ARGFX: variants seen among roughly 807,000 people sequenced by gnomAD.
ARGFX encodes the protein arginine-fifty homeobox.
In ARGFX, 10 loss-of-function variants were observed where a neutral mutation model predicts 8.0. The ratio of observed to expected loss-of-function variants is 1.25; its 90% CI spans 0.77 to 2.12. The LOEUF (loss-of-function observed/expected upper bound fraction) is 2.12. ARGFX is among the 30% of genes most tolerant of loss of function. ARGFX has a pLI of 0.00. For missense variants in ARGFX, 282 were observed against 324.3 expected (o/e 0.87, Z 1.00); for synonymous variants, 116 against 117.8 (o/e 0.98, Z 0.10).
In ARGFX at chr3:121,586,775, C is replaced by T. The variant is rs1411572226; in HGVS notation, c.*175C>T. On this transcript the variant is annotated 3_prime_UTR_variant, in exon 5 of 5. Transcript: ENST00000334384. ...AGAGCTGGGCACTACGTAATCAGCC[C>T]CACAAGTCTCCCTGAGAAGCCTGCC... 3 of 613,590 alleles carry T rather than the reference C, an allele frequency of 4.9e-6. No individual in the cohort carries two copies. Among genetic ancestry groups the T allele is most frequent in the Admixed American group, 6.2e-5 (2 of 32,424 alleles). The allele number at this position is 613,590 out of a possible 1,614,324, so 38.0% of individuals were successfully genotyped here.
intron 3 of ARGFX, among the ~76,000 whole-genome samples, chr3:121,583,212 T>C (rs1560122080): frequency 6.6e-6 from 1 of 151,380 alleles, no homozygotes; most frequent in South Asian, 2.1e-4. Flanking sequence ...GTAGTTTTAG[T>C]GGAGACAGGG....
At chr3:121,585,724 C>T (rs4676729) in intron 4 of ARGFX, among the ~76,000 whole-genome samples, 25,345 of 152,048 alleles carry the variant, frequency 0.17, 2,684 homozygotes, top group Middle Eastern at 0.28. Context: ...CTTCACCTCT[C>T]CCTAGATCCT....
chr3:121,584,282 C>T (rs1233506733), intron 3 of ARGFX, among the ~76,000 whole-genome samples: 1 of 142,734 alleles, frequency 7.0e-6, no homozygotes, highest in African/African-American at 2.6e-5. Flanking sequence ...AAAAGAAGAG[C>T]AAAGCAAAGC....
chr3:121,575,962 C>G (rs1168877605), intron 2 of ARGFX, among the ~76,000 whole-genome samples: 2 of 151,306 alleles, frequency 1.3e-5, no homozygotes. Context: ...AAATGTAGGA[C>G]AAAGAGAAAA....
intron 3 of ARGFX, among the ~76,000 whole-genome samples, chr3:121,584,169 C>A (rs576375933): frequency 2.6e-4 from 36 of 140,308 alleles, no homozygotes; most frequent in Non-Finnish European, 4.2e-4. Context: ...TAGAGCAAGA[C>A]CCCGTCTCTA....
intron 3 of ARGFX, among the ~76,000 whole-genome samples, chr3:121,577,981 T>A (rs946165449): frequency 6.6e-6 from 1 of 151,818 alleles, no homozygotes; most frequent in African/African-American, 2.4e-5. Flanking sequence ...AGACAGGGTT[T>A]CACCATGTTG....
intron 2 of ARGFX, among the ~76,000 whole-genome samples, chr3:121,572,787 A>G (rs781618798): frequency 6.6e-6 from 1 of 152,202 alleles, no homozygotes; most frequent in African/African-American, 2.4e-5. Context: ...GTAATCAAAG[A>G]GTGTGGTGCT....
At position 121,588,864 on chromosome 3, in the gene ARGFX, G is replaced by A. The variant is rs2048830317; in HGVS notation, c.*2264G>A. Among the ~76,000 whole-genome samples, 1 of 151,854 alleles carries A rather than the reference G, an allele frequency of 6.6e-6. No homozygotes were observed. The highest frequency in any genetic ancestry group is 2.1e-4 in the South Asian group (1 of 4,828). Reference sequence around the variant, plus strand: ...ATCACAAGGATTGAAACTATGCAGTGTGTTCTCCAAACATGATGGAACGAA... The same window carrying A: ...ATCACAAGGATTGAAACTATGCAGTATGTTCTCCAAACATGATGGAACGAA... On this transcript the variant is annotated 3_prime_UTR_variant, in exon 5 of 5. Transcript: ENST00000334384.
Position 121,589,374 on chromosome 3 carries a change from T to C in ARGFX, c.*2774T>C, listed in dbSNP as rs1318886264. Among the ~76,000 whole-genome samples, 1 of 152,142 alleles carries C rather than the reference T, an allele frequency of 6.6e-6. No individual in the cohort carries two copies. The highest frequency in any genetic ancestry group is 1.5e-5 in the Non-Finnish European group (1 of 68,026). The stretch of plus-strand genomic sequence containing the variant: ...AGTGGCATAGTTTTATCAATATCTG[T>C]CAAATTAAACTTCAAGGCAAAACTT... On this transcript the variant is annotated 3_prime_UTR_variant, in exon 5 of 5. Coordinates refer to ENST00000334384, the MANE Select transcript of ARGFX (RefSeq NM_001012659.2).
Position 121,589,289 on chromosome 3 carries a change from A to T in ARGFX, c.*2689A>T, listed in dbSNP as rs1219437562. On this transcript the variant is annotated 3_prime_UTR_variant, in exon 5 of 5. Coordinates refer to ENST00000334384, the MANE Select transcript of ARGFX (RefSeq NM_001012659.2). Reference sequence around the variant, plus strand: ...GAAGCTAAATCAATGCTTAGAAGGAAATTTATAGCTTCAAATACTTATATA... The same window carrying T: ...GAAGCTAAATCAATGCTTAGAAGGATATTTATAGCTTCAAATACTTATATA... Among the ~76,000 whole-genome samples, 2 of 152,226 alleles carry T rather than the reference A, an allele frequency of 1.3e-5. No homozygotes were observed. Among genetic ancestry groups the T allele is most frequent in the Non-Finnish European group, 2.9e-5 (2 of 68,036 alleles).
rs2048815136 is a variant in ARGFX, at chr3:121,586,714, T to C, written c.*114T>C. 4.3e-6 allele frequency: 4 copies of C among 920,574 alleles called. No homozygotes were observed. The highest frequency in any genetic ancestry group is 4.8e-6 in the Non-Finnish European group (3 of 624,988). 57.0% of individuals were successfully genotyped at this position (920,574 alleles called of 1,614,324 possible). The stretch of plus-strand genomic sequence containing the variant: ...CCAACATCTGGGTCTGTGTCTCTGA[T>C]TTCCATGTAAATGTTGCAAAAAGAG... On this transcript the variant is annotated 3_prime_UTR_variant, in exon 5 of 5. Coordinates refer to ENST00000334384, the MANE Select transcript of ARGFX (RefSeq NM_001012659.2).
chr3:121,573,848 C>CAAA (rs35593006), intron 2 of ARGFX, among the ~76,000 whole-genome samples: 27 of 58,978 alleles, frequency 4.6e-4, no homozygotes, highest in Admixed American at 1.0e-3. Flanking sequence ...AACTCCATCT[C>CAAA]AAAAAAAAAA....
At chr3:121,584,485 G>T (rs2048800094) in intron 3 of ARGFX, among the ~76,000 whole-genome samples, 1 of 152,066 alleles carries the variant, frequency 6.6e-6, no homozygotes, top group African/African-American at 2.4e-5. Flanking sequence ...CTAGTTTCTA[G>T]AATAACAAAA....
In ARGFX at chr3:121,575,334, A is replaced by G. The variant is rs567604649; in HGVS notation, c.104-1450A>G. Among the ~76,000 whole-genome samples the G allele has an allele frequency of 4.6e-5, 7 of 152,052 alleles. No homozygotes were observed. In the East Asian group the frequency reaches 1.4e-3, roughly 29 times the overall value. On this transcript the variant is annotated intron_variant, in intron 2 of 4. Transcript: ENST00000334384. ...ACTCCATTTCAAAAAAAAAAAAAAG[A>G]AAAAGAAAAAAATCTACAAGCCAGC...
Sources: allele counts gnomAD v4.1 joint callset (sites outside exome capture counted in the v4.1 genomes callset), GRCh38; gene constraint gnomAD v4.1.1; transcripts MANE v1.5; gene names NCBI Gene and HGNC (gene_info 2026-07-23, HGNC 2026-07-21).